The following CCDC148 variants were observed in gnomAD, a reference collection of about 807,000 sequenced individuals.
The protein encoded by CCDC148 is coiled-coil domain containing 148.
CCDC148 carries 89 observed loss-of-function variants against 85.7 expected under a neutral mutation model. The ratio of observed to expected loss-of-function variants is 1.04; its 90% confidence interval spans 0.87 to 1.24. CCDC148 has a LOEUF of 1.24. CCDC148 is among the 50% of genes most tolerant of loss of function. The probability of loss-of-function intolerance (pLI) is 0.00; values close to 1 mark genes in which losing one functional copy is unlikely to be tolerated. For synonymous variants in CCDC148, 230 were observed against 213.9 expected (o/e 1.08, Z -0.66); for missense variants, 692 against 671.7 (o/e 1.03, Z -0.33).
At chr2:158,455,920 TAAAG>T (rs1352363492) in intron 1 of CCDC148, among the ~76,000 whole-genome samples, 5 of 152,358 alleles carry the variant, frequency 3.3e-5, no homozygotes, top group African/African-American at 1.2e-4. Context: ...ATATCAAATT[TAAAG>T]AGATACTGGA....
At chr2:158,393,284 T>C (rs929828611) in intron 1 of CCDC148, 2 of 152,120 alleles carry the variant, frequency 1.3e-5, no homozygotes, top group Non-Finnish European at 2.9e-5. Context: ...CTGGATCATC[T>C]TGTACTCTAC....
intron 1 of CCDC148, among the ~76,000 whole-genome samples, chr2:158,363,658 A>G (rs1574698885): frequency 1.3e-5 from 2 of 152,176 alleles, no homozygotes; most frequent in East Asian, 1.9e-4. Context: ...TTGATGGAAC[A>G]TATCTCAAAA....
chr2:158,229,089 T>C (rs556527420), intron 10 of CCDC148, among the ~76,000 whole-genome samples: 9 of 152,186 alleles, frequency 5.9e-5, no homozygotes, highest in Admixed American at 2.6e-4. Flanking sequence ...AACTTCACCA[T>C]CTGTCTGACT....
intron 9 of CCDC148, among the ~76,000 whole-genome samples, chr2:158,283,416 C>G (rs1290814939): frequency 6.6e-6 from 1 of 151,992 alleles, no homozygotes; most frequent in Non-Finnish European, 1.5e-5. Flanking sequence ...CTACAAAGAA[C>G]TCAAACAAAT....
intron 9 of CCDC148, among the ~76,000 whole-genome samples, chr2:158,289,455 T>C (rs1474494315): frequency 1.3e-5 from 2 of 152,160 alleles, no homozygotes; most frequent in African/African-American, 4.8e-5. Context: ...AAAATCCAGA[T>C]AGCCATTAAA....
intron 9 of CCDC148, among the ~76,000 whole-genome samples, chr2:158,277,135 T>C (rs1212422371): frequency 6.6e-6 from 1 of 152,224 alleles, no homozygotes; most frequent in African/African-American, 2.4e-5. Flanking sequence ...ATAGAGACTA[T>C]ACCATTATTG....
At position 158,171,109 on chromosome 2, in the gene CCDC148, G is replaced by T. The variant is rs1684310019; in HGVS notation, c.*1004C>A. 1 of 151,550 alleles carries T rather than the reference G, an allele frequency of 6.6e-6. No homozygotes were observed. The highest frequency in any genetic ancestry group is 6.6e-5 in the Admixed American group (1 of 15,182). 9.4% of individuals were successfully genotyped at this position (151,550 alleles called of 1,614,324 possible). A position where few individuals can be genotyped will look rare whatever the true frequency, so the allele number is the denominator to read the frequency against. On this transcript the variant is annotated 3_prime_UTR_variant, in exon 14 of 14. Coordinates refer to ENST00000283233, the MANE Select transcript of CCDC148 (RefSeq NM_138803.4). ...GATTTATTCTAACGGGACTGTACTTGTATTTTTTATTTCCATGATGTTGGG... is the reference window on the plus strand; with the variant it reads ...GATTTATTCTAACGGGACTGTACTTTTATTTTTTATTTCCATGATGTTGGG...
chr2:158,430,003 C>T (rs556197816), intron 1 of CCDC148, among the ~76,000 whole-genome samples: 6 of 152,284 alleles, frequency 3.9e-5, no homozygotes, highest in African/African-American at 1.4e-4. Context: ...GGGAGCTATG[C>T]ATAAAATCAG....
At chr2:158,222,512 T>G (rs1687243167) in intron 10 of CCDC148, among the ~76,000 whole-genome samples, 1 of 152,084 alleles carries the variant, frequency 6.6e-6, no homozygotes, top group African/African-American at 2.4e-5. Context: ...TGCTTTCCAC[T>G]GAGACCTCTG....
At chr2:158,300,022 G>C (rs1000298059) in intron 9 of CCDC148, among the ~76,000 whole-genome samples, 9 of 152,248 alleles carry the variant, frequency 5.9e-5, no homozygotes, top group African/African-American at 2.2e-4. Flanking sequence ...CTAAGTGCCT[G>C]GTGACTTTGT....
At chr2:158,340,217 T>A in intron 5 of CCDC148, 25 bp downstream of exon 5, 2 of 1,605,592 alleles carry the variant, frequency 1.2e-6, no homozygotes, top group Non-Finnish European at 1.7e-6. Context: ...TATTACATTA[T>A]GGAAAATAAA....
chr2:158,304,091 C>T lies in CCDC148; in HGVS notation c.1110+5342G>A, dbSNP rs75634756. On this transcript the variant is annotated intron_variant, in intron 9 of 13. Coordinates refer to ENST00000283233, the MANE Select transcript of CCDC148 (RefSeq NM_138803.4). ...GGCTCACTCTTGGGTTAGAGAGGTC[C>T]GTGGTAACTTTAAGTCACAAAACAC... Among the ~76,000 whole-genome samples the T allele has an allele frequency of 4.1e-3, 618 of 152,142 alleles. 6 individuals are homozygous for T. The highest frequency in any genetic ancestry group is 0.014 in the African/African-American group (581 of 41,506).
chr2:158,198,171 A>G (rs1685772112), intron 11 of CCDC148, among the ~76,000 whole-genome samples: 1 of 152,144 alleles, frequency 6.6e-6, no homozygotes, highest in Admixed American at 6.6e-5. Context: ...TCTACTAAGA[A>G]AACACCTGAC....
intron 11 of CCDC148, among the ~76,000 whole-genome samples, chr2:158,188,481 A>G (rs1685259602): frequency 7.3e-6 from 1 of 136,720 alleles, no homozygotes; most frequent in Admixed American, 6.9e-5. Flanking sequence ...CCAACTGCCT[A>G]TTATGGACAC....
intron 9 of CCDC148, among the ~76,000 whole-genome samples, chr2:158,268,758 T>C (rs1208524188): frequency 1.3e-5 from 2 of 152,172 alleles, no homozygotes; most frequent in Non-Finnish European, 2.9e-5. Flanking sequence ...CCCTTGCCCC[T>C]GGTAACCATC....
intron 1 of CCDC148, among the ~76,000 whole-genome samples, chr2:158,427,361 T>C (rs1053769971): frequency 2.6e-5 from 4 of 152,206 alleles, no homozygotes; most frequent in African/African-American, 9.6e-5. Flanking sequence ...ACATGGATCT[T>C]ATTTTCACTG....
At chr2:158,182,645 G>T (rs553682729) in intron 11 of CCDC148, among the ~76,000 whole-genome samples, 1 of 152,176 alleles carries the variant, frequency 6.6e-6, no homozygotes, top group South Asian at 2.1e-4. Flanking sequence ...GATGATCAAG[G>T]TTACTCTGAC....
At chr2:158,385,293 G>C (rs1355204806) in intron 1 of CCDC148, among the ~76,000 whole-genome samples, 1 of 152,130 alleles carries the variant, frequency 6.6e-6, no homozygotes, top group Non-Finnish European at 1.5e-5. Context: ...ATGTAACATA[G>C]TCATGGCAGA....
chr2:158,261,615 A>G lies in CCDC148; in HGVS notation c.1111-10703T>C, dbSNP rs1038481302. ...GAATGGGAGAAAATATTTGCAAGCT[A>G]TGCATCTGACAAAGGTCTAATATCC... On this transcript the variant is annotated intron_variant, in intron 9 of 13. Transcript: ENST00000283233. 5.3e-5 allele frequency among the ~76,000 whole-genome samples: 8 copies of G among 151,730 alleles called. 1 individual carries two copies. In the Middle Eastern group the frequency reaches 9.5e-3, roughly 180 times the overall value.
Sources: allele counts gnomAD v4.1 joint callset (sites outside exome capture counted in the v4.1 genomes callset), GRCh38; gene constraint gnomAD v4.1.1; transcripts MANE v1.5; gene names NCBI Gene and HGNC (gene_info 2026-07-23, HGNC 2026-07-21).